The following PPP2R3A variants were observed in gnomAD, a reference collection of about 807,000 sequenced individuals.
PPP2R3A encodes protein phosphatase 2 regulatory subunit B''alpha.
Under a neutral mutation model 106.9 loss-of-function variants are expected in PPP2R3A, and 80 were observed. The observed-to-expected ratio is 0.75, with a 90% CI of 0.62 to 0.90. The LOEUF is 0.90. Among genes scored for constraint, PPP2R3A ranks in the 40% least tolerant of loss-of-function variants. PPP2R3A has a pLI of 0.00. For missense variants in PPP2R3A, 1,386 were observed against 1,350.4 expected (o/e 1.03, Z -0.41); for synonymous variants, 483 against 468.3 (o/e 1.03, Z -0.41).
At chr3:135,972,354 TTTTG>T (rs1576401827) in intron 1 of PPP2R3A, among the ~76,000 whole-genome samples, 2 of 152,344 alleles carry the variant, frequency 1.3e-5, no homozygotes, top group East Asian at 3.9e-4. Flanking sequence ...ATATACTACG[TTTTG>T]TTTATCAGTT....
At chr3:136,032,572 G>C (rs1026713561) in intron 3 of PPP2R3A, among the ~76,000 whole-genome samples, 2 of 150,898 alleles carry the variant, frequency 1.3e-5, no homozygotes, top group Admixed American at 6.6e-5. Context: ...CTGTCGCCCA[G>C]GCTGGAGTGC....
chr3:136,130,822 A>G (rs1382329214), intron 13 of PPP2R3A, among the ~76,000 whole-genome samples: 2 of 152,116 alleles, frequency 1.3e-5, no homozygotes, highest in Admixed American at 6.6e-5. Context: ...GTATAGACCA[A>G]TGAAACAACA....
chr3:136,028,340 T>C (rs1415676618), intron 3 of PPP2R3A, among the ~76,000 whole-genome samples: 2 of 152,250 alleles, frequency 1.3e-5, no homozygotes, highest in Non-Finnish European at 2.9e-5. Context: ...AGGAATTCTT[T>C]GTTCTCTTCC....
At chr3:136,041,455 C>T (rs1385349641) in intron 4 of PPP2R3A, among the ~76,000 whole-genome samples, 1 of 151,820 alleles carries the variant, frequency 6.6e-6, no homozygotes, top group East Asian at 1.9e-4. Context: ...CACTCTGTTG[C>T]CCAGGCTGGT....
intron 7 of PPP2R3A, among the ~76,000 whole-genome samples, chr3:136,081,849 A>G (rs1936790651): frequency 6.6e-6 from 1 of 152,230 alleles, no homozygotes; most frequent in Non-Finnish European, 1.5e-5. Flanking sequence ...TTTTATTACA[A>G]AATGAAACCC....
intron 13 of PPP2R3A, 55 bp from the exon 14 acceptor site, chr3:136,144,988 C>A (rs1347085625): frequency 4.5e-6 from 7 of 1,572,658 alleles, no homozygotes; most frequent in South Asian, 3.5e-5. Context: ...ATATTGATTT[C>A]TACCCAAACT....
Position 136,110,351 on chromosome 3 carries a change from A to G in PPP2R3A, c.3329+4029A>G, listed in dbSNP as rs149794472. 6.2e-3 allele frequency among the ~76,000 whole-genome samples: 944 copies of G among 152,298 alleles called. 13 individuals carry two copies. The highest frequency in any genetic ancestry group is 0.022 in the African/African-American group (895 of 41,560). On this transcript the variant is annotated intron_variant, in intron 13 of 13. Transcript: ENST00000264977. ...TTTCAAAGGAATAAGAGAGAATATC[A>G]CACTCCTAAACCAACACTAGAACCA...
chr3:136,037,985 C>G (rs1355814648), intron 3 of PPP2R3A, among the ~76,000 whole-genome samples: 1 of 152,014 alleles, frequency 6.6e-6, no homozygotes, highest in Non-Finnish European at 1.5e-5. Context: ...ACACTTCACA[C>G]TTCAACAAGA....
At chr3:136,045,346 G>GT (rs1179822954) in intron 4 of PPP2R3A, among the ~76,000 whole-genome samples, 1 of 152,220 alleles carries the variant, frequency 6.6e-6, no homozygotes, top group African/African-American at 2.4e-5. Context: ...GGCCCCCAGG[G>GT]TTAGAGCACA....
chr3:136,082,451 A>C, intron 8 of PPP2R3A, 30 bp downstream of exon 8: 1 of 1,597,730 alleles, frequency 6.3e-7, no homozygotes, highest in Non-Finnish European at 8.6e-7. Context: ...CTAAGACTTA[A>C]CCATTTTAAA....
At chr3:136,143,868 C>A (rs1938984300) in intron 13 of PPP2R3A, among the ~76,000 whole-genome samples, 1 of 152,158 alleles carries the variant, frequency 6.6e-6, no homozygotes, top group African/African-American at 2.4e-5. Context: ...AGCATATTTT[C>A]CCTCACTAAT....
At chr3:136,082,499 C>T in intron 8 of PPP2R3A, 78 bp downstream of exon 8, 1 of 1,505,082 alleles carries the variant, frequency 6.6e-7, no homozygotes, top group Non-Finnish European at 9.1e-7. Context: ...ATGAGAAATT[C>T]CCGTTTGCTA....
At chr3:136,011,286 AC>A (rs1437127644) in intron 2 of PPP2R3A, among the ~76,000 whole-genome samples, 2 of 151,222 alleles carry the variant, frequency 1.3e-5, no homozygotes, top group Non-Finnish European at 2.9e-5. Flanking sequence ...CTTTTTCTCC[AC>A]TGACTCCTAC....
At chr3:136,030,320 T>G (rs1471209226) in intron 3 of PPP2R3A, among the ~76,000 whole-genome samples, 1 of 102,878 alleles carries the variant, frequency 9.7e-6, no homozygotes, top group Admixed American at 9.1e-5. Context: ...TGTCAGTTTG[T>G]TTTTTTTGCC....
chr3:136,020,833 G>C (rs906373957), intron 2 of PPP2R3A, among the ~76,000 whole-genome samples: 1 of 152,132 alleles, frequency 6.6e-6, no homozygotes, highest in Middle Eastern at 3.4e-3. Context: ...GGAGAGCTTT[G>C]GCTAAATAAG....
chr3:136,133,833 T>A (rs1938508373), intron 13 of PPP2R3A, among the ~76,000 whole-genome samples: 1 of 145,018 alleles, frequency 6.9e-6, no homozygotes, highest in Non-Finnish European at 1.5e-5. Flanking sequence ...CATATGATGG[T>A]GAGCTGAGAT....
chr3:135,973,786 C>T (rs969882348), intron 1 of PPP2R3A, among the ~76,000 whole-genome samples: 1 of 152,192 alleles, frequency 6.6e-6, no homozygotes, highest in Admixed American at 6.5e-5. Flanking sequence ...CAAATACTTA[C>T]TAATTTATCA....
intron 2 of PPP2R3A, chr3:136,023,178 C>G: frequency 1.9e-6 from 3 of 1,613,130 alleles, no homozygotes; most frequent in East Asian, 4.5e-5. Context: ...TAAGAAGCGG[C>G]TGAAGTCATT....
chr3:136,116,655 A>C (rs1937774734), intron 13 of PPP2R3A, among the ~76,000 whole-genome samples: 1 of 152,246 alleles, frequency 6.6e-6, no homozygotes, highest in Non-Finnish European at 1.5e-5. Flanking sequence ...AGGTCATTAC[A>C]TGATGGTAAA....
Sources: allele counts gnomAD v4.1 joint callset (sites outside exome capture counted in the v4.1 genomes callset), GRCh38; gene constraint gnomAD v4.1.1; transcripts MANE v1.5; gene names NCBI Gene and HGNC (gene_info 2026-07-23, HGNC 2026-07-21).